FBXL5: variants seen among roughly 807,000 people sequenced by gnomAD.
FBXL5 encodes F-box/LRR-repeat protein 5.
A neutral mutation model predicts 78.3 loss-of-function variants in FBXL5; 26 were observed. That is an observed-to-expected ratio of 0.33 (90% CI 0.24 to 0.46). The LOEUF (loss-of-function observed/expected upper bound fraction) is 0.46. Ranked by LOEUF, FBXL5 falls within the 20% of genes least tolerant of loss-of-function variation. The pLI is 1.00. For missense variants in FBXL5, 710 were observed against 829.2 expected, an observed-to-expected ratio of 0.86 and a Z score of 1.77; for synonymous variants, 295 against 282.5, an observed-to-expected ratio of 1.04 and a Z score of -0.45.
At chr4:15,644,343 T>C (rs1178185416) in intron 2 of FBXL5, 150 bp downstream of exon 2, 1 of 658,824 alleles carries the variant, frequency 1.5e-6, no homozygotes, top group Admixed American at 2.9e-5. Flanking sequence ...TAGTTCTTTT[T>C]AAATAGTCTT....
At chr4:15,671,635 T>C (rs550600946) in intron 1 of FBXL5, among the ~76,000 whole-genome samples, 2 of 152,284 alleles carry the variant, frequency 1.3e-5, no homozygotes, top group South Asian at 2.1e-4. Context: ...TGTGGGTTTA[T>C]GGTTTCCATC....
At chr4:15,681,401 G>A (rs939914597) in exon 1 of FBXL5, 1 of 173,396 alleles carries the variant, frequency 5.8e-6, no homozygotes, top group Non-Finnish European at 1.4e-5. Flanking sequence ...CCTGGTTGTG[G>A]TGTGGCTGCT....
chr4:15,658,330 G>T (rs2148756971), upstream of FBXL5, among the ~76,000 whole-genome samples: 1 of 152,340 alleles, frequency 6.6e-6, no homozygotes, highest in East Asian at 1.9e-4. Context: ...AACTGCTGCA[G>T]CAGGCTGATT....
Position 15,644,376 on chromosome 4 carries a change from C to T in FBXL5, c.300+117G>A, listed in dbSNP as rs898794006. 1.5e-5 allele frequency: 12 copies of T among 815,860 alleles called. No individual in the cohort carries two copies. The African/African-American group carries it at 1.9e-4, about 13-fold the overall frequency. 50.5% of individuals were successfully genotyped at this position (815,860 alleles called of 1,614,324 possible). The stretch of plus-strand genomic sequence containing the variant: ...CTTCCTTGCCATCTTTAACAAGTGA[C>T]AAAATAATTTTTTTCAACATTACAT... On this transcript the variant is annotated intron_variant, in intron 2 of 10. Transcript: ENST00000341285.
Position 15,612,352 on chromosome 4 carries a change from G to C in FBXL5, c.1913C>G (p.Thr638Ser), listed in dbSNP as rs1326493542. 69 of 1,612,792 alleles carry C rather than the reference G, an allele frequency of 4.3e-5. No individual in the cohort carries two copies. Among genetic ancestry groups the C allele is most frequent in the Non-Finnish European group, 5.6e-5 (66 of 1,179,410 alleles). ...LEHLNLSGCL[T>S]ITGAGLQDLV... ...ATCCTGCAGGCCTGCACCAGTTATA[G>C]TAAGACAACCAGAGAGATTAAGGTG... The change falls in exon 10 of 11, where the codon ACT (threonine) becomes AGT (serine). Residue 638 changes from threonine to serine, a missense_variant. Physicochemically the swap from Thr to Ser is moderately conservative, Grantham distance 58. This residue lies in a region of FBXL5 where 58 missense variants were observed against 112.3 expected (regional missense o/e 0.52). Transcript: ENST00000341285.
intron 7 of FBXL5, 143 bp downstream of exon 7, chr4:15,627,742 T>C: frequency 3.1e-6 from 2 of 640,172 alleles, no homozygotes; most frequent in Non-Finnish European, 5.3e-6. Context: ...ATAAGTAACC[T>C]AGCAGTGTAT....
chr4:15,629,605 T>C (rs1038947192), intron 6 of FBXL5, among the ~76,000 whole-genome samples: 5 of 152,168 alleles, frequency 3.3e-5, no homozygotes, highest in African/African-American at 1.2e-4. Flanking sequence ...TTTTTCCATT[T>C]TGTTCACCAT....
At chr4:15,641,598 T>C (rs1329909061) in intron 2 of FBXL5, 3 of 458,350 alleles carry the variant, frequency 6.5e-6, no homozygotes, top group African/African-American at 5.7e-5. Context: ...TTTTATGTTA[T>C]TGGTAAGGCT....
chr4:15,666,427 A>G (rs1717548300), intron 1 of FBXL5, among the ~76,000 whole-genome samples: 1 of 152,034 alleles, frequency 6.6e-6, no homozygotes, highest in Non-Finnish European at 1.5e-5. Context: ...CACATACCAC[A>G]TGATCTCACA....
intron 1 of FBXL5, among the ~76,000 whole-genome samples, chr4:15,648,168 T>G (rs565964462): frequency 6.6e-6 from 1 of 152,296 alleles, no homozygotes; most frequent in Non-Finnish European, 1.5e-5. Flanking sequence ...CCTGTGATAA[T>G]TTAATAAGTT....
rs1251243997 is a variant in FBXL5 at position 15,638,643 on chromosome 4, T to C, written c.448A>G (p.Ile150Val). The C allele has an allele frequency of 6.2e-7, 1 of 1,613,386 alleles. No individual in the cohort carries two copies. Among genetic ancestry groups the C allele is most frequent in the East Asian group, 2.2e-5 (1 of 44,856 alleles). ...EYFTYEELKD[I>V]KKKVIAQHCS... ...TGTTGTGCAATCACTTTCTTTTTAATATCCTTAAGCTCTTCATAGGTAAAA... is the reference window on the plus strand; with the variant it reads ...TGTTGTGCAATCACTTTCTTTTTAACATCCTTAAGCTCTTCATAGGTAAAA... The change falls in exon 4 of 11, where the codon ATT becomes GTT. Residue 150 changes from isoleucine to valine, a missense_variant. Physicochemically the swap from Ile to Val is conservative, Grantham distance 29 (BLOSUM62 3). Around this residue, in one of 4 missense-constraint regions of FBXL5, gnomAD observed 517 missense variants for 542.9 expected, o/e 0.95. Transcript: ENST00000341285.
chr4:15,640,551 A>G (rs942395022), intron 3 of FBXL5, among the ~76,000 whole-genome samples: 4 of 152,052 alleles, frequency 2.6e-5, no homozygotes, highest in African/African-American at 7.2e-5. Flanking sequence ...AAGAAAATTA[A>G]TATTTCCTGA....
At chr4:15,651,340 T>C (rs1716018577) in intron 1 of FBXL5, among the ~76,000 whole-genome samples, 1 of 152,240 alleles carries the variant, frequency 6.6e-6, no homozygotes, top group South Asian at 2.1e-4. Flanking sequence ...CAGGCTCTAC[T>C]AATTACTAAT....
intron 10 of FBXL5, among the ~76,000 whole-genome samples, chr4:15,608,427 G>A (rs1390969027): frequency 2.0e-5 from 3 of 151,944 alleles, no homozygotes; most frequent in Non-Finnish European, 4.4e-5. Flanking sequence ...CTAAGGGATG[G>A]TGGCAGAGAT....
chr4:15,612,144 T>A, intron 10 of FBXL5, 122 bp downstream of exon 10: 1 of 749,518 alleles, frequency 1.3e-6, no homozygotes, highest in Non-Finnish European at 2.0e-6. Flanking sequence ...TTTAACTAAA[T>A]CTGAAAGTAA....
At chr4:15,636,832 T>C (rs1313118566) in intron 4 of FBXL5, among the ~76,000 whole-genome samples, 156 bp from the exon 5 acceptor site, 2 of 152,204 alleles carry the variant, frequency 1.3e-5, no homozygotes, top group South Asian at 2.1e-4. Context: ...AGAGGTAACA[T>C]GGGGATGTTA....
At chr4:15,624,635 A>C (rs892536968) in intron 9 of FBXL5, among the ~76,000 whole-genome samples, 3 of 152,036 alleles carry the variant, frequency 2.0e-5, no homozygotes, top group Admixed American at 6.5e-5. Flanking sequence ...AATCTGCTGA[A>C]GATTATGCTT....
intron 10 of FBXL5, among the ~76,000 whole-genome samples, chr4:15,610,411 G>T (rs1458764318): frequency 6.6e-6 from 1 of 151,998 alleles, no homozygotes; most frequent in African/African-American, 2.4e-5. Context: ...GTTAATATTG[G>T]ATTATACAAG....
chr4:15,606,295 T>C (rs955290007), intron 10 of FBXL5, among the ~76,000 whole-genome samples: 1 of 152,208 alleles, frequency 6.6e-6, no homozygotes, highest in Non-Finnish European at 1.5e-5. Flanking sequence ...GCCATATTTT[T>C]ATTTAGTATT....
Sources: allele counts gnomAD v4.1 joint callset (sites outside exome capture counted in the v4.1 genomes callset), GRCh38; gene constraint gnomAD v4.1.1; regional missense constraint gnomAD v4.1.1; transcripts MANE v1.5; gene names NCBI Gene and HGNC (gene_info 2026-07-23, HGNC 2026-07-21).